The following KEL variants were observed in gnomAD, a reference collection of about 807,000 sequenced individuals.
The protein encoded by KEL is Kell metallo-endopeptidase (Kell blood group), also known as kell blood group glycoprotein.
Under a neutral mutation model 99.5 loss-of-function variants are expected in KEL, and 96 were observed. That is an observed-to-expected ratio of 0.97 (90% CI 0.82 to 1.14). KEL has a LOEUF of 1.14. Ranked by LOEUF, KEL falls within the 50% of genes most tolerant of loss-of-function variation. The pLI, the probability that KEL is intolerant of heterozygous loss-of-function variation, is 0.00. For missense variants in KEL, 926 were observed against 924.2 expected (o/e 1.00, Z -0.03); for synonymous variants, 355 against 354.8 (o/e 1.00, Z -0.01).
intron 10 of KEL, among the ~76,000 whole-genome samples, chr7:142,949,470 C>G (rs1443801181): frequency 6.6e-6 from 1 of 152,188 alleles, no homozygotes; most frequent in Non-Finnish European, 1.5e-5. Flanking sequence ...TCCTGTTTTG[C>G]TTTTCTTCAT....
intron 2 of KEL, 98 bp from the exon 3 acceptor site, chr7:142,961,599 C>A: frequency 7.0e-7 from 1 of 1,419,402 alleles, no homozygotes; most frequent in East Asian, 2.3e-5. Context: ...TGCTACAGTC[C>A]CTTTATACAG....
intron 4 of KEL, among the ~76,000 whole-genome samples, chr7:142,958,974 AGTT>A (rs1796894866): frequency 6.6e-6 from 1 of 151,844 alleles, no homozygotes; most frequent in Non-Finnish European, 1.5e-5. Context: ...CACCCCTTTG[AGTT>A]GTTCCACCTT....
At position 142,946,290 on chromosome 7, in the gene KEL, C is replaced by G. The variant is rs759738508; in HGVS notation, c.1231G>C (p.Val411Leu). Residue 411 changes from valine to leucine, a missense_variant, in exon 11 of 19, where the codon GTG becomes CTG. Physicochemically the swap from Val to Leu is conservative, Grantham distance 32. Coordinates refer to ENST00000355265, the MANE Select transcript of KEL (RefSeq NM_000420.3). ...TCGAAGAACGTGCCTGTCTCCTCCACGCACTTCATCCATCGTGGGCGGGCA... is the reference window on the plus strand; with the variant it reads ...TCGAAGAACGTGCCTGTCTCCTCCAGGCACTTCATCCATCGTGGGCGGGCA... ...MPARPRWMKC[V>L]EETGTFFEPT... 1.2e-6 allele frequency: 2 copies of G among 1,613,920 alleles called. No individual in the cohort carries two copies. Among genetic ancestry groups the G allele is most frequent in the Non-Finnish European group, 1.7e-6 (2 of 1,179,994 alleles).
chr7:142,942,929 G>A lies in KEL; in HGVS notation c.1887C>T (p.Ser629=), dbSNP rs1562956507. The change falls in exon 17 of 19, where the codon TCC becomes TCT. Residue 629 remains serine (S), a synonymous_variant. Transcript: ENST00000355265. ...PLPSRTSFND[S]LTFLENAADV... ...CTGCAGCATTCTCTAAGAATGTGAG[G>A]GAGTCATTGAAGGAGGTTCTGCTAG... is the stretch of plus-strand genomic sequence containing the variant. 6.2e-7 allele frequency: 1 copy of A among 1,614,198 alleles called. No individual in the cohort carries two copies. Among genetic ancestry groups the A allele is most frequent in the Admixed American group, 1.7e-5 (1 of 60,024 alleles).
In KEL at chr7:142,943,353, C is replaced by T; in HGVS notation, c.1704-10G>A. 1 of 1,614,072 alleles carries T rather than the reference C, an allele frequency of 6.2e-7. No individual in the cohort carries two copies. Among genetic ancestry groups the T allele is most frequent in the Non-Finnish European group, 8.5e-7 (1 of 1,179,976 alleles). ...GCCAAAGTTCACGGCTCTAGGGAGA[C>T]AAGGGCTTATTTGACCCCCAGAATC... is the stretch of plus-strand genomic sequence containing the variant. On this transcript the variant is annotated splice_polypyrimidine_tract_variant and intron_variant, in intron 15 of 18. Transcript: ENST00000355265.
At position 142,958,060 on chromosome 7, in the gene KEL, G is replaced by C. The variant is rs993045378; in HGVS notation, c.526-87C>G. ...GATCGGCTCTTACACAGCTGCTACT[G>C]CCTGACCTCTGCCCTGCGCCCTTCG... On this transcript the variant is annotated intron_variant, in intron 5 of 18. Transcript: ENST00000355265. 1.1e-5 allele frequency: 17 copies of C among 1,507,454 alleles called. No individual in the cohort carries two copies. In the Admixed American group the frequency reaches 1.3e-4, roughly 12 times the overall value. 93.4% of individuals were successfully genotyped at this position (1,507,454 alleles called of 1,614,324 possible).
Position 142,961,287 on chromosome 7 carries a change from G to A in KEL, c.223+73C>T, listed in dbSNP as rs539084194. 6.9e-6 allele frequency: 11 copies of A among 1,601,836 alleles called. No homozygotes were observed. In the Admixed American group the frequency reaches 1.8e-4, roughly 27 times the overall value. On this transcript the variant is annotated intron_variant, in intron 3 of 18. Coordinates refer to ENST00000355265, the MANE Select transcript of KEL (RefSeq NM_000420.3). Reference sequence around the variant, plus strand: ...GGGTCAGGGTGGGCAGAAGCCCCAGGAGCAGGGACTGGGCCTGGGCCCCAG... The same window carrying A: ...GGGTCAGGGTGGGCAGAAGCCCCAGAAGCAGGGACTGGGCCTGGGCCCCAG...
intron 1 of KEL, 104 bp downstream of exon 1, chr7:142,962,100 C>T (rs1562966189): frequency 6.2e-7 from 1 of 1,614,004 alleles, no homozygotes; most frequent in Non-Finnish European, 8.5e-7. Context: ...CACCTTTCTA[C>T]TCTGTAAGCC....
At chr7:142,943,704 T>C (rs1175859955) in intron 14 of KEL, 79 bp downstream of exon 14, 1 of 1,491,450 alleles carries the variant, frequency 6.7e-7, no homozygotes, top group Non-Finnish European at 9.3e-7. Flanking sequence ...CTGCCTGCCC[T>C]GAGCCCTGGC....
Position 142,953,837 on chromosome 7 carries a change from T to C in KEL, c.1044A>G (p.Gln348=). The C allele has an allele frequency of 6.2e-7, 1 of 1,614,098 alleles. No homozygotes were observed. Among genetic ancestry groups the C allele is most frequent in the Non-Finnish European group, 8.5e-7 (1 of 1,180,028 alleles). Residue 348 remains glutamine, a synonymous_variant, in exon 9 of 19, where the codon CAA becomes CAG. Transcript: ENST00000355265. ...GCTTTAGCAGCATCTCCTCCACCAG[T>C]TGTGACATGTTTTTCAAATATTCCA... ...HDVEYLKNMS[Q]LVEEMLLKQR...
chr7:142,943,737 T>C, intron 14 of KEL, 46 bp downstream of exon 14: 1 of 1,556,462 alleles, frequency 6.4e-7, no homozygotes, highest in Non-Finnish European at 8.9e-7. Context: ...GAATCATGGA[T>C]GGGTCTCTCT....
chr7:142,949,576 C>G (rs1023231484), intron 10 of KEL, among the ~76,000 whole-genome samples: 2 of 152,100 alleles, frequency 1.3e-5, no homozygotes, highest in African/African-American at 4.8e-5. Flanking sequence ...ATTTATTTGT[C>G]TTTTTTGTTC....
intron 13 of KEL, among the ~76,000 whole-genome samples, 169 bp downstream of exon 13, chr7:142,944,154 C>A (rs1375311762): frequency 6.6e-6 from 1 of 152,186 alleles, no homozygotes; most frequent in Non-Finnish European, 1.5e-5. Context: ...GTTCTTCTGC[C>A]AGCAAGACGT....
At chr7:142,960,092 C>T (rs1002348679) in intron 4 of KEL, among the ~76,000 whole-genome samples, 11 of 152,256 alleles carry the variant, frequency 7.2e-5, no homozygotes, top group African/African-American at 2.4e-4. Flanking sequence ...TCCTCTCAGT[C>T]CTGGCAGTTT....
At chr7:142,956,779 G>A (rs1177066247) in intron 6 of KEL, among the ~76,000 whole-genome samples, 2 of 152,188 alleles carry the variant, frequency 1.3e-5, no homozygotes, top group Non-Finnish European at 2.9e-5. Flanking sequence ...GGCCACATCA[G>A]TTAAACTCCT....
Position 142,941,210 on chromosome 7 carries a change from G to A in KEL, c.*42C>T, listed in dbSNP as rs778195775. The A allele has an allele frequency of 1.2e-6, 2 of 1,603,598 alleles. No homozygotes were observed. The highest frequency in any genetic ancestry group is 1.3e-5 in the African/African-American group (1 of 74,866). The stretch of plus-strand genomic sequence containing the variant: ...ATTCCATGGATGTGACCAGGGAGGT[G>A]TTGGTCGATATTTCTGTGCTGTGGC... On this transcript the variant is annotated 3_prime_UTR_variant, in exon 19 of 19. Transcript: ENST00000355265.
At position 142,954,233 on chromosome 7, in the gene KEL, C is replaced by T. The variant is rs201698610; in HGVS notation, c.875G>A (p.Arg292Gln). 573 of 1,613,670 alleles carry T rather than the reference C, an allele frequency of 3.6e-4. 4 individuals are homozygous for T. In the East Asian group the frequency reaches 8.9e-3, roughly 25 times the overall value. Residue 292 changes from arginine to glutamine, a missense_variant, in exon 8 of 19, where the codon CGG becomes CAG. Physicochemically the swap from Arg to Gln is conservative, Grantham distance 43 (BLOSUM62 1). Coordinates refer to ENST00000355265, the MANE Select transcript of KEL (RefSeq NM_000420.3). ...LFQFLRPLEQ[R>Q]RAQGKLFQMV... ...CTGGAAGAGCTTGCCCTGTGCCCGC[C>T]GCTGCTCCAGGGGCCTCAGAAACTG...
At chr7:142,945,951 A>C in intron 11 of KEL, 1 of 561,050 alleles carries the variant, frequency 1.8e-6, no homozygotes, top group Non-Finnish European at 3.2e-6. Flanking sequence ...TGATGGTTGA[A>C]GAAACACAAG....
At chr7:142,944,848 G>C in intron 11 of KEL, 107 bp from the exon 12 acceptor site, 1 of 846,220 alleles carries the variant, frequency 1.2e-6, no homozygotes, top group Non-Finnish European at 2.0e-6. Flanking sequence ...CCAAGGAGCT[G>C]CCTGGGCTGG....
Sources: allele counts gnomAD v4.1 joint callset (sites outside exome capture counted in the v4.1 genomes callset), GRCh38; gene constraint gnomAD v4.1.1; transcripts MANE v1.5; gene names NCBI Gene and HGNC (gene_info 2026-07-23, HGNC 2026-07-21).